AUH: variants seen among roughly 807,000 people sequenced by gnomAD.
AUH encodes methylglutaconyl-CoA hydratase, mitochondrial.
A neutral mutation model predicts 42.3 loss-of-function variants in AUH; 29 were observed. That is an observed-to-expected ratio of 0.69 (90% CI 0.51 to 0.93). The LOEUF is 0.93. Ranked by LOEUF, AUH falls within the 40% of genes least tolerant of loss-of-function variation. The pLI is 0.00. For missense variants in AUH, 452 were observed against 438.1 expected (o/e 1.03, Z -0.28); for synonymous variants, 174 against 166.4 (o/e 1.05, Z -0.35).
intron 7 of AUH, among the ~76,000 whole-genome samples, 189 bp downstream of exon 7, chr9:91,220,616 C>T (rs1267876195): frequency 1.3e-5 from 2 of 152,196 alleles, no homozygotes; most frequent in African/African-American, 4.8e-5. Context: ...ATCTTCAAAG[C>T]GTCATCAGAA....
intron 4 of AUH, among the ~76,000 whole-genome samples, chr9:91,309,099 T>A: frequency 6.6e-6 from 1 of 151,524 alleles, no homozygotes; most frequent in Non-Finnish European, 1.5e-5. Flanking sequence ...GTCTTAACTT[T>A]TATCTTAAAT....
chr9:91,288,811 T>C (rs1410939451), intron 6 of AUH, among the ~76,000 whole-genome samples: 3 of 152,146 alleles, frequency 2.0e-5, no homozygotes, highest in Admixed American at 6.6e-5. Flanking sequence ...AAAACTAAAA[T>C]TGAGCCTTCT....
At chr9:91,256,144 C>T (rs1211847761) in intron 6 of AUH, among the ~76,000 whole-genome samples, 1 of 152,142 alleles carries the variant, frequency 6.6e-6, no homozygotes, top group Non-Finnish European at 1.5e-5. Context: ...GAGGCTTATA[C>T]TGTAAAACAA....
intron 6 of AUH, among the ~76,000 whole-genome samples, chr9:91,281,248 C>A (rs369337256): frequency 5.3e-5 from 8 of 152,316 alleles, no homozygotes; most frequent in Middle Eastern, 3.4e-3. Flanking sequence ...ATAATAATTT[C>A]TATTGCTCTA....
intron 6 of AUH, among the ~76,000 whole-genome samples, chr9:91,257,534 C>T (rs1829471090): frequency 6.6e-6 from 1 of 152,112 alleles, no homozygotes; most frequent in South Asian, 2.1e-4. Context: ...ACTGCCACTC[C>T]CTTGAAAGTG....
rs548408523 is a variant in AUH, at chr9:91,284,538, G to A, written c.655+11483C>T. On this transcript the variant is annotated intron_variant, in intron 6 of 9. Coordinates refer to ENST00000375731, the MANE Select transcript of AUH (RefSeq NM_001698.3). Reference sequence around the variant, plus strand: ...AGCGTGAACAGGCAACCTACAGAATGGGAGAAAATTTTTGCAATCTACTCA... The same window carrying A: ...AGCGTGAACAGGCAACCTACAGAATAGGAGAAAATTTTTGCAATCTACTCA... 1.5e-3 allele frequency among the ~76,000 whole-genome samples: 227 copies of A among 152,234 alleles called. 1 individual carries two copies. Among genetic ancestry groups the A allele is most frequent in the African/African-American group, 4.9e-3 (202 of 41,528 alleles).
chr9:91,300,724 C>T (rs1411004966), intron 4 of AUH, among the ~76,000 whole-genome samples: 1 of 152,204 alleles, frequency 6.6e-6, no homozygotes, highest in African/African-American at 2.4e-5. Flanking sequence ...GCACACCTGC[C>T]TAATCTCTTC....
intron 4 of AUH, among the ~76,000 whole-genome samples, chr9:91,321,354 T>A (rs1564098871): frequency 6.6e-6 from 1 of 152,238 alleles, no homozygotes; most frequent in Non-Finnish European, 1.5e-5. Context: ...TACATTTTTT[T>A]AAGATTGGAT....
chr9:91,307,458 C>T (rs75065886), intron 4 of AUH, among the ~76,000 whole-genome samples: 1 of 152,110 alleles, frequency 6.6e-6, no homozygotes, highest in Non-Finnish European at 1.5e-5. Flanking sequence ...GTTTCAGTTA[C>T]CCATGGTCAA....
At chr9:91,276,294 G>A (rs538970182) in intron 6 of AUH, among the ~76,000 whole-genome samples, 2 of 152,118 alleles carry the variant, frequency 1.3e-5, no homozygotes, top group East Asian at 3.9e-4. Context: ...AGCCGGGTGT[G>A]GTGGCGGACG....
intron 1 of AUH, among the ~76,000 whole-genome samples, chr9:91,356,413 T>C (rs1225756361): frequency 1.3e-5 from 2 of 152,246 alleles, no homozygotes; most frequent in Non-Finnish European, 1.5e-5. Flanking sequence ...ATTTAAAATG[T>C]GGTTTCATCA....
intron 3 of AUH, among the ~76,000 whole-genome samples, chr9:91,345,590 T>G (rs1409608671): frequency 6.6e-6 from 1 of 151,944 alleles, no homozygotes; most frequent in Non-Finnish European, 1.5e-5. Context: ...TCCCAGCACT[T>G]TGGGAGGCCG....
At chr9:91,284,301 C>T (rs1021986611) in intron 6 of AUH, among the ~76,000 whole-genome samples, 2 of 152,048 alleles carry the variant, frequency 1.3e-5, no homozygotes, top group African/African-American at 4.8e-5. Flanking sequence ...ATAACTTATA[C>T]AAAAATTAAT....
Position 91,297,598 on chromosome 9 carries a change from A to AT in AUH, c.598+385dup, listed in dbSNP as rs1002793689. ...TTTTCCTTTTTTTCTTTCCTTTTTA[A>AT]TTTTTTTTTTTTTAAACAGGGTCTC... is the stretch of plus-strand genomic sequence containing the variant. On this transcript the variant is annotated intron_variant, in intron 5 of 9. Transcript: ENST00000375731. 1.4e-3 allele frequency among the ~76,000 whole-genome samples: 201 copies of AT among 145,336 alleles called. 1 individual carries two copies. Among genetic ancestry groups the AT allele is most frequent in the African/African-American group, 3.4e-3 (134 of 39,962 alleles).
intron 4 of AUH, among the ~76,000 whole-genome samples, chr9:91,300,821 G>C (rs1435056930): frequency 6.6e-6 from 1 of 152,092 alleles, no homozygotes; most frequent in Non-Finnish European, 1.5e-5. Flanking sequence ...TGTATACAAG[G>C]TGCAGCTCTG....
At position 91,285,011 on chromosome 9, in the gene AUH, G is replaced by A. The variant is rs1019918319; in HGVS notation, c.655+11010C>T. The stretch of plus-strand genomic sequence containing the variant: ...TGCTGCTATGAAGACACATGCACAC[G>A]TATGTTTATTGCGGCACTATTCACA... On this transcript the variant is annotated intron_variant, in intron 6 of 9. Coordinates refer to ENST00000375731, the MANE Select transcript of AUH (RefSeq NM_001698.3). Among the ~76,000 whole-genome samples the A allele has an allele frequency of 2.6e-5, 4 of 152,260 alleles. No individual in the cohort carries two copies. The East Asian group carries it at 7.7e-4, about 29-fold the overall frequency.
chr9:91,217,297 C>T lies in AUH; in HGVS notation c.874G>A (p.Ala292Thr). 6.2e-7 allele frequency: 1 copy of T among 1,613,946 alleles called. No homozygotes were observed. Among genetic ancestry groups the T allele is most frequent in the Non-Finnish European group, 8.5e-7 (1 of 1,179,910 alleles). The change falls in exon 8 of 10, where the codon GCA becomes ACA. Residue 292 changes from alanine to threonine, a missense_variant. Transcript: ENST00000375731. ...GPVAMRVAKLAINQGMEVDLV... is the reference protein window; with the variant it reads ...GPVAMRVAKLTINQGMEVDLV... ...CCTACCTCCATCCCTTGATTAATTG[C>T]TAATTTTGCCACTCTCATTGCAACA...
chr9:91,272,497 C>A (rs760933139), intron 6 of AUH, among the ~76,000 whole-genome samples: 4 of 152,186 alleles, frequency 2.6e-5, no homozygotes, highest in Non-Finnish European at 2.9e-5. Context: ...GGCCTCCATT[C>A]GGCCCAGCAG....
At chr9:91,221,457 T>C (rs1038470655) in intron 6 of AUH, among the ~76,000 whole-genome samples, 2 of 152,226 alleles carry the variant, frequency 1.3e-5, no homozygotes, top group African/African-American at 4.8e-5. Context: ...GGCGAATACA[T>C]TGTAAACACA....
Sources: allele counts gnomAD v4.1 joint callset (sites outside exome capture counted in the v4.1 genomes callset), GRCh38; gene constraint gnomAD v4.1.1; transcripts MANE v1.5; gene names NCBI Gene and HGNC (gene_info 2026-07-23, HGNC 2026-07-21).